ORC2: variants seen among roughly 807,000 people sequenced by gnomAD.
The protein encoded by ORC2 is origin recognition complex protein 2 homolog.
A neutral mutation model predicts 77.7 loss-of-function variants in ORC2; 37 were observed. The observed-to-expected ratio is 0.48, with a 90% confidence interval of 0.37 to 0.63. The LOEUF (loss-of-function observed/expected upper bound fraction) is 0.63, where lower values mean the gene tolerates loss of function less well. Ranked by LOEUF, ORC2 falls within the 20% of genes least tolerant of loss-of-function variation. ORC2 has a pLI of 0.00. For synonymous variants in ORC2, 201 were observed against 229.5 expected (o/e 0.88, Z 1.12); for missense variants, 557 against 661.9 (o/e 0.84, Z 1.74).
chr2:200,913,669 T>C (rs1265497581), intron 16 of ORC2: 1 of 1,262,374 alleles, frequency 7.9e-7, no homozygotes, highest in African/African-American at 1.5e-5. Flanking sequence ...AAATATGTAC[T>C]TGGCAGATAC....
chr2:200,941,606 T>C (rs1360033899), intron 6 of ORC2, among the ~76,000 whole-genome samples: 1 of 152,136 alleles, frequency 6.6e-6, no homozygotes, highest in Non-Finnish European at 1.5e-5. Context: ...ATTAGTTTCA[T>C]GATTACTCAC....
intron 4 of ORC2, among the ~76,000 whole-genome samples, chr2:200,955,264 T>C (rs2041447309): frequency 6.6e-6 from 1 of 152,174 alleles, no homozygotes; most frequent in Non-Finnish European, 1.5e-5. Context: ...AAGTTTTATT[T>C]AGAATATGCT....
chr2:200,913,457 C>T (rs1033490494), intron 16 of ORC2, 44 bp from the exon 17 acceptor site: 3 of 1,536,322 alleles, frequency 2.0e-6, no homozygotes, highest in Admixed American at 1.9e-5. Flanking sequence ...GCACTTAAGA[C>T]ATGACCCAAT....
chr2:200,913,858 T>C, intron 16 of ORC2, 73 bp downstream of exon 16: 5 of 1,507,118 alleles, frequency 3.3e-6, no homozygotes, highest in Non-Finnish European at 4.4e-6. Context: ...ACTGCTGTCA[T>C]TAAATTCCAG....
At chr2:200,962,784 A>AT (rs1263917993) in intron 1 of ORC2, among the ~76,000 whole-genome samples, 1 of 152,138 alleles carries the variant, frequency 6.6e-6, no homozygotes, top group Non-Finnish European at 1.5e-5. Flanking sequence ...GGGCCGTGCT[A>AT]TTTTTCTTCA....
At chr2:200,960,650 T>C (rs1027939743) in intron 1 of ORC2, among the ~76,000 whole-genome samples, 1 of 152,242 alleles carries the variant, frequency 6.6e-6, no homozygotes, top group Non-Finnish European at 1.5e-5. Context: ...ATATATATAA[T>C]GTCCCCAACT....
At chr2:200,951,522 T>C (rs572241741) in intron 4 of ORC2, among the ~76,000 whole-genome samples, 14 of 152,332 alleles carry the variant, frequency 9.2e-5, no homozygotes, top group South Asian at 2.1e-4. Flanking sequence ...CTAATCAGTA[T>C]TTGGTGGTAT....
chr2:200,925,756 G>A, intron 13 of ORC2, 80 bp downstream of exon 13: 1 of 516,614 alleles, frequency 1.9e-6, no homozygotes, highest in Non-Finnish European at 3.5e-6. Context: ...TAATAATATT[G>A]TATGTATATA....
chr2:200,931,656 T>C (rs995452000), intron 10 of ORC2, among the ~76,000 whole-genome samples: 6 of 152,164 alleles, frequency 3.9e-5, no homozygotes, highest in African/African-American at 7.2e-5. Context: ...AACATTCTTT[T>C]TAGTAATAAC....
In ORC2 at chr2:200,925,907, ACTT is replaced by A. The variant is rs1205609400; in HGVS notation, c.1073_1075del (p.Glu358del). 2 of 1,587,658 alleles carry A rather than the reference ACTT, an allele frequency of 1.3e-6. No individual in the cohort carries two copies. Among genetic ancestry groups the A allele is most frequent in the Admixed American group, 1.7e-5 (1 of 59,742 alleles). On this transcript the variant is annotated inframe_deletion, in exon 13 of 18. Transcript: ENST00000234296. ...GCGGAAAGTACCCATATGATCGAGG[ACTT>A]CTTCTGTTATAGAATTCAGGACCTA...
At chr2:200,951,811 T>C (rs1245390266) in intron 4 of ORC2, among the ~76,000 whole-genome samples, 2 of 152,218 alleles carry the variant, frequency 1.3e-5, no homozygotes, top group African/African-American at 4.8e-5. Context: ...ATCAGACATG[T>C]CTTCTGCAAC....
intron 11 of ORC2, 31 bp from the exon 12 acceptor site, chr2:200,926,931 A>G (rs1412664680): frequency 3.7e-6 from 6 of 1,602,972 alleles, no homozygotes; most frequent in Non-Finnish European, 5.1e-6. Flanking sequence ...CATGAAATTA[A>G]ACTTCAATAC....
chr2:200,911,493 T>C (rs2040551368), intron 17 of ORC2, 106 bp from the exon 18 acceptor site: 1 of 615,176 alleles, frequency 1.6e-6, no homozygotes, highest in Non-Finnish European at 2.8e-6. Flanking sequence ...GGATGTAATT[T>C]TTAAATATAT....
At chr2:200,939,553 G>T (rs1165418042) in intron 7 of ORC2, among the ~76,000 whole-genome samples, 1 of 152,074 alleles carries the variant, frequency 6.6e-6, no homozygotes, top group Admixed American at 6.5e-5. Context: ...TTTAAGACAC[G>T]ATCTTCACTG....
In ORC2 at chr2:200,949,346, A is replaced by C. The variant is rs1306594634; in HGVS notation, c.328+208T>G. ...AGCTTATAATCTAGCTGAAAACAGAAGACATCTGAGCATGAAAAAAACAAA... is the reference window on the plus strand; with the variant it reads ...AGCTTATAATCTAGCTGAAAACAGACGACATCTGAGCATGAAAAAAACAAA... On this transcript the variant is annotated intron_variant, in intron 5 of 17. Transcript: ENST00000234296. Among the ~76,000 whole-genome samples, 3 of 152,296 alleles carry C rather than the reference A, an allele frequency of 2.0e-5. No individual in the cohort carries two copies. In the East Asian group the frequency reaches 5.8e-4, roughly 29 times the overall value.
At chr2:200,931,643 G>A (rs2124975821) in intron 10 of ORC2, among the ~76,000 whole-genome samples, 195 bp from the exon 11 acceptor site, 1 of 152,214 alleles carries the variant, frequency 6.6e-6, no homozygotes, top group Admixed American at 6.5e-5. Flanking sequence ...TCTTAAAATT[G>A]TTAACATTCT....
intron 5 of ORC2, among the ~76,000 whole-genome samples, chr2:200,945,321 C>T (rs959998440): frequency 2.0e-5 from 3 of 152,058 alleles, no homozygotes; most frequent in African/African-American, 7.2e-5. Context: ...TTTGGGAGAC[C>T]GAGGTGGGTG....
rs144264975 is a variant in ORC2 at position 200,937,855 on chromosome 2, C to G, written c.514+51G>C. ...CCTATATACTTAACTATTATTGCCTCTTGTTTAGATGCTACTTTTTATAAA... is the reference window on the plus strand; with the variant it reads ...CCTATATACTTAACTATTATTGCCTGTTGTTTAGATGCTACTTTTTATAAA... On this transcript the variant is annotated intron_variant, in intron 8 of 17. Coordinates refer to ENST00000234296, the MANE Select transcript of ORC2 (RefSeq NM_006190.5). 32 of 1,223,136 alleles carry G rather than the reference C, an allele frequency of 2.6e-5. No homozygotes were observed. The African/African-American group carries it at 4.7e-4, about 18-fold the overall frequency. The allele number at this position is 1,223,136 out of a possible 1,614,324, so 75.8% of individuals were successfully genotyped here.
At chr2:200,948,632 G>A (rs561976412) in intron 5 of ORC2, among the ~76,000 whole-genome samples, 160 of 151,966 alleles carry the variant, frequency 1.1e-3, no homozygotes, top group Non-Finnish European at 1.4e-3. Context: ...GCACAATCTC[G>A]GCTCACTGCA....
Sources: gnomAD v4.1 joint callset for allele counts (sites outside exome capture counted in the v4.1 genomes callset) on GRCh38, gnomAD v4.1.1 for gene constraint, MANE v1.5 for transcripts, NCBI Gene and HGNC (gene_info 2026-07-23, HGNC 2026-07-21) for gene names.